Variants in MYO16 observed in about 807,000 individuals in gnomAD.
MYO16 encodes myosin XVI, also known as unconventional myosin-XVI.
A neutral mutation model predicts 205.3 loss-of-function variants in MYO16; 94 were observed. The ratio of observed to expected loss-of-function variants is 0.46; its 90% CI spans 0.39 to 0.54. MYO16 has a LOEUF of 0.54. Ranked by LOEUF, MYO16 falls within the 20% of genes least tolerant of loss-of-function variation. MYO16 has a pLI of 0.00. For missense variants in MYO16, 2,315 were observed against 2,387.5 expected, an observed-to-expected ratio of 0.97 and a Z score of 0.63; for synonymous variants, 988 against 954.0, an observed-to-expected ratio of 1.04 and a Z score of -0.66.
intron 25 of MYO16, 121 bp from the exon 26 acceptor site, chr13:109,054,925 C>A: frequency 1.8e-6 from 1 of 565,474 alleles, no homozygotes; most frequent in Non-Finnish European, 3.1e-6. Context: ...TTCCTTCCTT[C>A]TTTCTCTTTT....
chr13:109,041,599 C>T (rs1164207670), intron 23 of MYO16, among the ~76,000 whole-genome samples: 2 of 152,050 alleles, frequency 1.3e-5, no homozygotes, highest in Non-Finnish European at 2.9e-5. Context: ...ATGCGGGATC[C>T]GTGTGGTGAT....
intron 14 of MYO16, among the ~76,000 whole-genome samples, chr13:108,893,513 A>G (rs1051138264): frequency 5.3e-5 from 8 of 152,182 alleles, no homozygotes; most frequent in African/African-American, 1.7e-4. Context: ...AGCACTTCCT[A>G]TACTTCCTGA....
At chr13:109,072,427 C>G (rs1257732077) in intron 27 of MYO16, among the ~76,000 whole-genome samples, 2 of 152,194 alleles carry the variant, frequency 1.3e-5, no homozygotes, top group East Asian at 3.9e-4. Context: ...CTCACCTTTC[C>G]CTGGGCCTGG....
chr13:109,079,926 AGTGCAGTGGT>A (rs1229646123), intron 27 of MYO16, among the ~76,000 whole-genome samples: 2 of 140,290 alleles, frequency 1.4e-5, no homozygotes, highest in Non-Finnish European at 3.0e-5. Context: ...CCCAGACTGG[AGTGCAGTGGT>A]GTGATCTCAG....
chr13:108,876,117 C>G (rs183387957), intron 12 of MYO16, among the ~76,000 whole-genome samples: 1 of 150,878 alleles, frequency 6.6e-6, no homozygotes, highest in Admixed American at 6.6e-5. Context: ...ACAAGCTGGA[C>G]TAAAACTCCT....
At chr13:109,102,920 A>G (rs1889016455) in intron 28 of MYO16, among the ~76,000 whole-genome samples, 1 of 152,158 alleles carries the variant, frequency 6.6e-6, no homozygotes, top group Non-Finnish European at 1.5e-5. Context: ...TGAAAACACA[A>G]GACAAAAAAA....
chr13:108,556,965 T>C, the MYO16 span, among the ~76,000 whole-genome samples: 1 of 152,138 alleles, frequency 6.6e-6, no homozygotes, highest in Admixed American at 6.5e-5. Flanking sequence ...TATTTCTGGG[T>C]TCTTTATTTT....
At chr13:109,007,382 C>A (rs996694982) in intron 21 of MYO16, among the ~76,000 whole-genome samples, 2 of 149,582 alleles carry the variant, frequency 1.3e-5, no homozygotes, top group African/African-American at 2.5e-5. Context: ...GGCGAGACTC[C>A]GTCTCAAAAA....
At chr13:108,971,374 T>TATAC (rs1156819636) in intron 20 of MYO16, among the ~76,000 whole-genome samples, 11 of 136,398 alleles carry the variant, frequency 8.1e-5, no homozygotes, top group African/African-American at 2.9e-4. Flanking sequence ...TATATATATA[T>TATAC]ACACATATAA....
intron 34 of MYO16, among the ~76,000 whole-genome samples, chr13:109,193,555 G>T (rs1880017391): frequency 6.6e-6 from 1 of 152,086 alleles, no homozygotes; most frequent in Non-Finnish European, 1.5e-5. Flanking sequence ...TAAATAACAT[G>T]ATTATTTCTG....
intron 12 of MYO16, among the ~76,000 whole-genome samples, chr13:108,880,121 A>G (rs774841928): frequency 1.0e-3 from 158 of 152,258 alleles, no homozygotes; most frequent in Middle Eastern, 3.4e-3. Flanking sequence ...AGTGATGATG[A>G]GCATTTGTTC....
At chr13:108,499,296 A>C in the MYO16 span, among the ~76,000 whole-genome samples, 1 of 152,236 alleles carries the variant, frequency 6.6e-6, no homozygotes, top group African/African-American at 2.4e-5. Context: ...GACTTTGAAG[A>C]TTGTAAATTT....
upstream of MYO16, among the ~76,000 whole-genome samples, chr13:108,592,078 G>GT (rs1878413999): frequency 7.9e-6 from 1 of 126,428 alleles, no homozygotes; most frequent in African/African-American, 2.9e-5. Flanking sequence ...TGTGGGGGGT[G>GT]GGGGTGGAGG....
intron 27 of MYO16, 75 bp from the exon 28 acceptor site, chr13:109,100,710 A>G (rs1888934879): frequency 8.3e-7 from 1 of 1,199,464 alleles, no homozygotes; most frequent in Non-Finnish European, 1.2e-6. Flanking sequence ...CGATGTAACA[A>G]AGACAGCCCT....
At chr13:108,621,670 C>T (rs1879547538) in intron 1 of MYO16, among the ~76,000 whole-genome samples, 1 of 152,132 alleles carries the variant, frequency 6.6e-6, no homozygotes, top group African/African-American at 2.4e-5. Context: ...AGATGATCCT[C>T]TCTTGGCTGC....
chr13:108,990,819 C>A (rs557016267), intron 20 of MYO16, among the ~76,000 whole-genome samples: 1 of 152,156 alleles, frequency 6.6e-6, no homozygotes, highest in African/African-American at 2.4e-5. Flanking sequence ...ATTATGACTA[C>A]ATTTTTAGAG....
rs546936059 is a variant in MYO16, at chr13:109,083,275, C to T, written c.3336-17510C>T. ...GTGGGCGCCTGTAATCCCAGCTACTCGGGAGGCTGAGGCTGGATAATCACT... is the reference window on the plus strand; with the variant it reads ...GTGGGCGCCTGTAATCCCAGCTACTTGGGAGGCTGAGGCTGGATAATCACT... On this transcript the variant is annotated intron_variant, in intron 27 of 34. Coordinates refer to ENST00000457511, the MANE Select transcript of MYO16 (RefSeq NM_001198950.3). 7.4e-5 allele frequency among the ~76,000 whole-genome samples: 11 copies of T among 149,218 alleles called. No homozygotes were observed. In the South Asian group the frequency reaches 2.4e-3, roughly 32 times the overall value.
rs546747118 is a variant in MYO16 at position 109,065,802 on chromosome 13, A to G, written c.3335+10207A>G. ...TCTTAACTCCAGATCCGGGGTAGCA[A>G]ACTTGCATAGGTCACATCCATCAGT... On this transcript the variant is annotated intron_variant, in intron 27 of 34. Coordinates refer to ENST00000457511, the MANE Select transcript of MYO16 (RefSeq NM_001198950.3). Among the ~76,000 whole-genome samples, 10 of 152,328 alleles carry G rather than the reference A, an allele frequency of 6.6e-5. No individual in the cohort carries two copies. The South Asian group carries it at 1.9e-3, about 28-fold the overall frequency.
chr13:108,918,928 G>A (rs1303798754), intron 16 of MYO16, among the ~76,000 whole-genome samples: 1 of 147,746 alleles, frequency 6.8e-6, no homozygotes, highest in African/African-American at 2.5e-5. Flanking sequence ...GGCAACAAGA[G>A]CGAGACTCTG....
Sources: allele counts gnomAD v4.1 joint callset (sites outside exome capture counted in the v4.1 genomes callset), GRCh38; gene constraint gnomAD v4.1.1; transcripts MANE v1.5; gene names NCBI Gene and HGNC (gene_info 2026-07-23, HGNC 2026-07-21).